Variants in BNC2 observed in about 807,000 individuals in gnomAD.
The protein encoded by BNC2 is basonuclin zinc finger protein 2.
Under a neutral mutation model 76.3 loss-of-function variants are expected in BNC2, and 20 were observed. The ratio of observed to expected loss-of-function variants is 0.26; its 90% CI spans 0.18 to 0.38. BNC2 has a LOEUF of 0.38. Ranked by LOEUF, BNC2 falls within the 10% of genes least tolerant of loss-of-function variation. The pLI is 1.00. For missense variants in BNC2, 1,382 were observed against 1,399.8 expected, an observed-to-expected ratio of 0.99 and a Z score of 0.20; for synonymous variants, 582 against 514.8, an observed-to-expected ratio of 1.13 and a Z score of -1.77.
chr9:16,783,949 A>G (rs895765365), intron 1 of BNC2, among the ~76,000 whole-genome samples: 7 of 152,212 alleles, frequency 4.6e-5, no homozygotes, highest in Non-Finnish European at 7.3e-5. Flanking sequence ...GGAAGATTTT[A>G]GAATAATTGA....
At chr9:16,659,032 T>C (rs1012535822) in intron 3 of BNC2, among the ~76,000 whole-genome samples, 2 of 152,162 alleles carry the variant, frequency 1.3e-5, no homozygotes, top group Admixed American at 6.5e-5. Flanking sequence ...ATGAATTCAT[T>C]TGAGAGCTAG....
chr9:16,820,987 C>T (rs1447969313), intron 1 of BNC2, among the ~76,000 whole-genome samples: 3 of 151,930 alleles, frequency 2.0e-5, no homozygotes, highest in African/African-American at 2.4e-5. Context: ...AATCCCAGAA[C>T]GTTGGGAGGC....
At chr9:16,570,278 G>C (rs576918539) in intron 4 of BNC2, among the ~76,000 whole-genome samples, 2 of 152,234 alleles carry the variant, frequency 1.3e-5, no homozygotes, top group South Asian at 4.1e-4. Context: ...CTAAAAGAAA[G>C]AAATTATTAT....
intron 3 of BNC2, among the ~76,000 whole-genome samples, chr9:16,601,605 C>G (rs1226233944): frequency 6.6e-6 from 1 of 152,134 alleles, no homozygotes; most frequent in African/African-American, 2.4e-5. Flanking sequence ...GATCCTACTA[C>G]ACACTCCTGA....
rs111501171 is a variant in BNC2 at position 16,576,521 on chromosome 9, C to A, written c.433+6462G>T. 7.4e-3 allele frequency among the ~76,000 whole-genome samples: 1,132 copies of A among 152,282 alleles called. 33 individuals are homozygous for A. The South Asian group carries it at 0.093, about 12-fold the overall frequency. On this transcript the variant is annotated intron_variant, in intron 4 of 6. Transcript: ENST00000380672. ...AGAGAGTTACCAGTTGGGAACAAACCACTTTCACAGATATTTAGACAATTT... is the reference window on the plus strand; with the variant it reads ...AGAGAGTTACCAGTTGGGAACAAACAACTTTCACAGATATTTAGACAATTT...
At chr9:16,586,103 T>G (rs1266947509) in intron 3 of BNC2, among the ~76,000 whole-genome samples, 1 of 151,958 alleles carries the variant, frequency 6.6e-6, no homozygotes, top group Non-Finnish European at 1.5e-5. Flanking sequence ...GCTCTTTTCT[T>G]TATACCTGCA....
chr9:16,779,888 G>C (rs1826076854), intron 1 of BNC2, among the ~76,000 whole-genome samples: 1 of 152,066 alleles, frequency 6.6e-6, no homozygotes, highest in Non-Finnish European at 1.5e-5. Context: ...TCTTTTCTGA[G>C]GTAATAAAAA....
intron 5 of BNC2, among the ~76,000 whole-genome samples, chr9:16,480,299 C>T (rs1375562570): frequency 6.6e-6 from 1 of 152,188 alleles, no homozygotes; most frequent in Non-Finnish European, 1.5e-5. Context: ...TGATGAAAAC[C>T]CAATCTGTTA....
At chr9:16,689,075 T>C (rs1823066537) in intron 3 of BNC2, among the ~76,000 whole-genome samples, 1 of 150,724 alleles carries the variant, frequency 6.6e-6, no homozygotes, top group East Asian at 2.0e-4. Context: ...ACATATTTTC[T>C]GTGGGGCAGG....
chr9:16,534,732 A>G (rs1818078106), intron 5 of BNC2, among the ~76,000 whole-genome samples: 1 of 152,178 alleles, frequency 6.6e-6, no homozygotes, highest in Non-Finnish European at 1.5e-5. Flanking sequence ...TGGCTTTTGT[A>G]TATTTTCATA....
At chr9:16,744,556 T>C (rs1824945743) in intron 1 of BNC2, among the ~76,000 whole-genome samples, 2 of 152,214 alleles carry the variant, frequency 1.3e-5, no homozygotes, top group East Asian at 1.9e-4. Context: ...CTCTGTCTTC[T>C]GGGATTTACT....
intron 2 of BNC2, among the ~76,000 whole-genome samples, chr9:16,737,937 T>C (rs570289178): frequency 6.6e-6 from 1 of 152,278 alleles, no homozygotes; most frequent in East Asian, 1.9e-4. Flanking sequence ...CTATACACTT[T>C]TATTTGTGCA....
chr9:16,729,700 G>A (rs1264028685), intron 2 of BNC2, among the ~76,000 whole-genome samples: 2 of 152,110 alleles, frequency 1.3e-5, no homozygotes, highest in Non-Finnish European at 2.9e-5. Flanking sequence ...GGGGGGGAGG[G>A]CAGGAAAATC....
At chr9:16,780,253 A>C (rs201033109) in intron 1 of BNC2, among the ~76,000 whole-genome samples, 203 of 120,802 alleles carry the variant, frequency 1.7e-3, no homozygotes, top group South Asian at 3.6e-3. Context: ...AAAAAAAAAA[A>C]AAACAAAAAA....
intron 3 of BNC2, among the ~76,000 whole-genome samples, chr9:16,643,694 T>A (rs893221062): frequency 6.6e-6 from 1 of 152,224 alleles, no homozygotes; most frequent in Non-Finnish European, 1.5e-5. Context: ...AGCAATCACA[T>A]CTGATGTTTC....
At chr9:16,851,937 A>G (rs539450805) in intron 1 of BNC2, among the ~76,000 whole-genome samples, 72 of 152,300 alleles carry the variant, frequency 4.7e-4, no homozygotes, top group Admixed American at 8.5e-4. Context: ...CCAGAGGATG[A>G]ATATTAAATA....
intron 1 of BNC2, among the ~76,000 whole-genome samples, chr9:16,765,175 T>C (rs549694648): frequency 6.4e-4 from 97 of 152,322 alleles, no homozygotes; most frequent in African/African-American, 2.2e-3. Context: ...TTTTTGTCTC[T>C]AATATGGTAA....
intron 5 of BNC2, among the ~76,000 whole-genome samples, chr9:16,552,126 C>A (rs949736359): frequency 1.3e-5 from 2 of 152,100 alleles, no homozygotes; most frequent in Non-Finnish European, 2.9e-5. Context: ...ACCGTACCTG[C>A]AAACTGAGTA....
chr9:16,615,473 C>T (rs1300122819), intron 3 of BNC2, among the ~76,000 whole-genome samples: 1 of 152,018 alleles, frequency 6.6e-6, no homozygotes, highest in Non-Finnish European at 1.5e-5. Flanking sequence ...TTCCCAAAAC[C>T]CAGAGGAAAA....
Sources: allele counts gnomAD v4.1 joint callset (sites outside exome capture counted in the v4.1 genomes callset), GRCh38; gene constraint gnomAD v4.1.1; transcripts MANE v1.5; gene names NCBI Gene and HGNC (gene_info 2026-07-23, HGNC 2026-07-21).